Variants in RARB observed in about 807,000 individuals in gnomAD.
The protein encoded by RARB is retinoic acid receptor beta.
Under a neutral mutation model 51.9 loss-of-function variants are expected in RARB, and 17 were observed. The ratio of observed to expected loss-of-function variants is 0.33; its 90% CI spans 0.22 to 0.49. The LOEUF (loss-of-function observed/expected upper bound fraction) is 0.49, where lower values mean the gene tolerates loss of function less well. RARB is among the 20% of genes least tolerant of loss of function. The pLI, the probability that RARB is intolerant of heterozygous loss-of-function variation, is 0.99. For synonymous variants in RARB, 215 were observed against 195.4 expected (o/e 1.10, Z -0.84); for missense variants, 369 against 550.8 (o/e 0.67, Z 3.30).
At chr3:25,205,777 C>G (rs1293853313) in intron 5 of RARB, among the ~76,000 whole-genome samples, 1 of 151,552 alleles carries the variant, frequency 6.6e-6, no homozygotes, top group Non-Finnish European at 1.5e-5. Flanking sequence ...GGGTCTCACT[C>G]TGTTGCCCTA....
chr3:25,360,657 G>A, intron 5 of RARB, among the ~76,000 whole-genome samples: 1 of 152,124 alleles, frequency 6.6e-6, no homozygotes, highest in East Asian at 1.9e-4. Context: ...AGGAGCTCTT[G>A]TAAAGCAGGC....
At chr3:25,077,740 A>G (rs62228545) in intron 3 of RARB, among the ~76,000 whole-genome samples, 6,247 of 152,156 alleles carry the variant, frequency 0.041, 167 homozygotes, top group Middle Eastern at 0.075. Context: ...GTATATATAT[A>G]TATTCAACTT....
At chr3:25,463,919 G>T (rs1321775318) in intron 2 of RARB, among the ~76,000 whole-genome samples, 1 of 152,122 alleles carries the variant, frequency 6.6e-6, no homozygotes, top group Non-Finnish European at 1.5e-5. Flanking sequence ...TGGGCAACCA[G>T]TTGGCAGCTG....
intron 3 of RARB, among the ~76,000 whole-genome samples, chr3:25,536,381 A>ATCT (rs1699141528): frequency 6.6e-6 from 1 of 150,566 alleles, no homozygotes; most frequent in Non-Finnish European, 1.5e-5. Context: ...CATGCCTCAG[A>ATCT]AGACTTAGCA....
chr3:25,151,730 A>C (rs1700290149), intron 4 of RARB, among the ~76,000 whole-genome samples: 1 of 152,204 alleles, frequency 6.6e-6, no homozygotes, highest in Non-Finnish European at 1.5e-5. Flanking sequence ...TGGGCGGAAC[A>C]ATAAGTGGAT....
chr3:25,522,628 GGCAGTTTGCAGGAGGA>G (rs1467763341), intron 3 of RARB, among the ~76,000 whole-genome samples: 24 of 152,100 alleles, frequency 1.6e-4, no homozygotes, highest in African/African-American at 5.8e-4. Context: ...AAGACATGAG[GGCAGTTTGCAGGAGGA>G]GCAAAGACAG....
chr3:25,090,700 A>C (rs533985817), intron 3 of RARB, among the ~76,000 whole-genome samples: 1 of 152,144 alleles, frequency 6.6e-6, no homozygotes, highest in African/African-American at 2.4e-5. Flanking sequence ...AAAAATACTC[A>C]TGGTACTAAG....
At chr3:24,982,512 G>A (rs1696700344) in intron 2 of RARB, among the ~76,000 whole-genome samples, 2 of 152,182 alleles carry the variant, frequency 1.3e-5, no homozygotes, top group East Asian at 3.9e-4. Flanking sequence ...GGTAGTCCAG[G>A]AGGCTGTATG....
chr3:25,195,861 A>G (rs187086081), intron 5 of RARB, among the ~76,000 whole-genome samples: 2 of 152,126 alleles, frequency 1.3e-5, no homozygotes, highest in African/African-American at 2.4e-5. Context: ...AGTTATATAA[A>G]TATATCTGAA....
intron 5 of RARB, among the ~76,000 whole-genome samples, chr3:25,312,259 G>A (rs545879530): frequency 6.6e-6 from 1 of 152,098 alleles, no homozygotes; most frequent in Non-Finnish European, 1.5e-5. Flanking sequence ...GTAATATACT[G>A]ACTTTTCTGT....
intron 3 of RARB, among the ~76,000 whole-genome samples, chr3:25,127,806 A>C (rs112788414): frequency 0.01 from 1,566 of 152,268 alleles, 28 homozygotes; most frequent in African/African-American, 0.036. Context: ...ACAGCAATAG[A>C]AATTATATAT....
chr3:25,199,752 G>T (rs542080833), intron 5 of RARB, among the ~76,000 whole-genome samples: 1 of 151,930 alleles, frequency 6.6e-6, no homozygotes, highest in Non-Finnish European at 1.5e-5. Context: ...AGCTTCATCC[G>T]TGTCCCTACA....
In RARB at chr3:25,441,707, A is replaced by C. The variant is rs551368807; in HGVS notation, c.157+12819A>C. On this transcript the variant is annotated intron_variant, in intron 1 of 7. Transcript: ENST00000330688. ...CTTTACTGCAAACACCTGGATACCT[A>C]CTGCCATAGCTACCATTAAAATTAC... is the stretch of plus-strand genomic sequence containing the variant. 7.9e-5 allele frequency among the ~76,000 whole-genome samples: 12 copies of C among 152,282 alleles called. No homozygotes were observed. The East Asian group carries it at 2.3e-3, about 29-fold the overall frequency.
At chr3:25,305,037 A>T (rs962976063) in intron 5 of RARB, among the ~76,000 whole-genome samples, 4 of 152,158 alleles carry the variant, frequency 2.6e-5, no homozygotes, top group African/African-American at 9.7e-5. Flanking sequence ...AGAGGCCAGG[A>T]GATTTTCACA....
intron 4 of RARB, among the ~76,000 whole-genome samples, chr3:25,144,582 C>T (rs1451958052): frequency 6.6e-6 from 1 of 152,206 alleles, no homozygotes; most frequent in Non-Finnish European, 1.5e-5. Context: ...CTAAGCCATA[C>T]ATTCTTCAAA....
At chr3:25,434,868 C>T (rs1323415371) in intron 1 of RARB, among the ~76,000 whole-genome samples, 1 of 151,998 alleles carries the variant, frequency 6.6e-6, no homozygotes, top group Admixed American at 6.6e-5. Flanking sequence ...GTACAAAGTT[C>T]CCATCCCCAT....
chr3:25,200,933 T>G (rs914672076), intron 5 of RARB, among the ~76,000 whole-genome samples: 1 of 152,218 alleles, frequency 6.6e-6, no homozygotes, highest in African/African-American at 2.4e-5. Flanking sequence ...AGGCTCTTTT[T>G]TGGTTCCATA....
chr3:24,965,378 CT>C (rs1194035907), intron 2 of RARB, among the ~76,000 whole-genome samples: 1 of 152,162 alleles, frequency 6.6e-6, no homozygotes, highest in African/African-American at 2.4e-5. Flanking sequence ...TCGAGGAAGG[CT>C]GATGACTGTC....
intron 4 of RARB, among the ~76,000 whole-genome samples, chr3:25,141,816 T>C (rs1700111745): frequency 6.6e-6 from 1 of 152,186 alleles, no homozygotes; most frequent in African/African-American, 2.4e-5. Flanking sequence ...GCTACTTTTA[T>C]AATATATGAA....
Sources: gnomAD v4.1 joint callset for allele counts (sites outside exome capture counted in the v4.1 genomes callset) on GRCh38, gnomAD v4.1.1 for gene constraint, MANE v1.5 for transcripts, NCBI Gene and HGNC (gene_info 2026-07-23, HGNC 2026-07-21) for gene names.